The following TAF4 variants were observed in gnomAD, a reference collection of about 807,000 sequenced individuals.
The protein encoded by TAF4 is transcription initiation factor TFIID subunit 4.
A neutral mutation model predicts 90.3 loss-of-function variants in TAF4; 9 were observed. The observed-to-expected ratio is 0.10, with a 90% CI of 0.06 to 0.17. The LOEUF (loss-of-function observed/expected upper bound fraction) is 0.17, where lower values mean the gene tolerates loss of function less well. Ranked by LOEUF, TAF4 falls within the 10% of genes least tolerant of loss-of-function variation. TAF4 has a pLI of 1.00. For synonymous variants in TAF4, 818 were observed against 638.9 expected, an observed-to-expected ratio of 1.28 and a Z score of -4.23; for missense variants, 1,351 against 1,370.7, an observed-to-expected ratio of 0.99 and a Z score of 0.23.
In TAF4 at chr20:62,006,167, G is replaced by C. The variant is rs1238591315; in HGVS notation, c.2223+343C>G. ...ACGCAGGTGCCCGTGTCTTACGCTT[G>C]GACCGCTGCTCCTAATCCAAGAGAA... On this transcript the variant is annotated intron_variant, in intron 7 of 14. Transcript: ENST00000252996. This position sits in a 1 kb window ranked among gnomAD's most constrained non-coding sequence, Gnocchi z 7.0. 5.3e-6 allele frequency: 1 copy of C among 189,832 alleles called. No individual in the cohort carries two copies. The highest frequency in any genetic ancestry group is 2.3e-5 in the African/African-American group (1 of 42,962). 11.8% of individuals were successfully genotyped at this position (189,832 alleles called of 1,614,324 possible).
intron 14 of TAF4, among the ~76,000 whole-genome samples, chr20:61,994,905 G>A (rs1568925365): frequency 6.6e-6 from 1 of 152,162 alleles, no homozygotes; most frequent in East Asian, 1.9e-4. Flanking sequence ...ACCTTTCCTT[G>A]TACGTAAGGA....
At chr20:62,004,323 C>CTTTTT (rs1434356168) in intron 7 of TAF4, among the ~76,000 whole-genome samples, 10 of 113,988 alleles carry the variant, frequency 8.8e-5, no homozygotes, top group African/African-American at 2.4e-4. Flanking sequence ...TTTTTCTTTT[C>CTTTTT]TTTTCTTTTT....
intron 1 of TAF4, among the ~76,000 whole-genome samples, chr20:62,029,273 A>G (rs1053307403): frequency 3.9e-5 from 6 of 152,058 alleles, no homozygotes; most frequent in Admixed American, 2.6e-4. Flanking sequence ...CATTCTTTTA[A>G]GTTTGAAATT....
At position 61,975,256 on chromosome 20, in the gene TAF4, C is replaced by CAT. The variant is rs1420802146; in HGVS notation, c.*910_*911dup. ...CTCTTAGCAAAATAATTATAGTTTA[C>CAT]ATAGCCATTTCTATGTCATGTGCCA... On this transcript the variant is annotated 3_prime_UTR_variant, in exon 15 of 15. Transcript: ENST00000252996. 1 of 152,370 alleles carries CAT rather than the reference C, an allele frequency of 6.6e-6. No individual in the cohort carries two copies. The highest frequency in any genetic ancestry group is 1.5e-5 in the Non-Finnish European group (1 of 68,028). 9.4% of individuals were successfully genotyped at this position (152,370 alleles called of 1,614,324 possible). A position where few individuals can be genotyped will look rare whatever the true frequency, so the allele number is the denominator to read the frequency against.
intron 1 of TAF4, among the ~76,000 whole-genome samples, chr20:62,050,430 C>T (rs1395105614): frequency 6.6e-6 from 1 of 152,170 alleles, no homozygotes; most frequent in Non-Finnish European, 1.5e-5. Context: ...CAAAACGCCA[C>T]AATGCCTGCT....
chr20:61,992,843 C>G (rs1259743827), intron 14 of TAF4, among the ~76,000 whole-genome samples: 1 of 152,166 alleles, frequency 6.6e-6, no homozygotes. Context: ...CAGGAACCAA[C>G]CTGGAGATGC....
chr20:62,012,930 G>C lies in TAF4; in HGVS notation c.1526C>G (p.Pro509Arg). The change falls in exon 3 of 15, where the codon CCT becomes CGT. Residue 509 changes from proline (P) to arginine (R), a missense_variant. Around this residue, in one of 9 missense-constraint regions of TAF4, gnomAD observed 143 missense variants for 176.3 expected, o/e 0.81. Transcript: ENST00000252996. ...CTGCCGTGCAATGATAGGTGTTCCAGGTGCCTGAAAAATAAGCAGAGTCAC... is the reference window on the plus strand; with the variant it reads ...CTGCCGTGCAATGATAGGTGTTCCACGTGCCTGAAAAATAAGCAGAGTCAC... ...PPVQISTVQAPGTPIIARQVT... is the reference protein window; with the variant it reads ...PPVQISTVQARGTPIIARQVT... 5.0e-6 allele frequency: 8 copies of C among 1,612,706 alleles called. No individual in the cohort carries two copies. Among genetic ancestry groups the C allele is most frequent in the East Asian group, 2.2e-5 (1 of 44,882 alleles).
chr20:62,021,000 C>T lies in TAF4; in HGVS notation c.1361-6293G>A, dbSNP rs376839477. 2.6e-5 allele frequency among the ~76,000 whole-genome samples: 4 copies of T among 152,294 alleles called. No individual in the cohort carries two copies. In the South Asian group the frequency reaches 6.2e-4, roughly 24 times the overall value. ...AAGCCAGACCACTGGGAAGGAAAGA[C>T]CTTCCCCGTGTTTCCAGGGGAAAAA... On this transcript the variant is annotated intron_variant, in intron 1 of 14. Transcript: ENST00000252996.
intron 14 of TAF4, among the ~76,000 whole-genome samples, chr20:61,992,434 T>G (rs1448517032): frequency 6.6e-6 from 1 of 152,106 alleles, no homozygotes; most frequent in African/African-American, 2.4e-5. Context: ...TTTATTTTAA[T>G]CTCTCCTTCT....
intron 1 of TAF4, among the ~76,000 whole-genome samples, chr20:62,027,504 G>A (rs1324990442): frequency 6.6e-6 from 1 of 152,148 alleles, no homozygotes; most frequent in Non-Finnish European, 1.5e-5. Flanking sequence ...TGAACAGATT[G>A]GAGAAAAGTT....
chr20:62,036,995 A>G (rs944012588), intron 1 of TAF4, among the ~76,000 whole-genome samples: 22 of 152,264 alleles, frequency 1.4e-4, no homozygotes, highest in Admixed American at 3.9e-4. Context: ...GGCCCTCACC[A>G]GCATGGCAAT....
chr20:61,976,420 C>G, intron 14 of TAF4, 85 bp from the exon 15 acceptor site: 3 of 1,518,274 alleles, frequency 2.0e-6, no homozygotes, highest in Non-Finnish European at 1.8e-6. Flanking sequence ...GCCAAGTACC[C>G]CGATTCCAGA....
chr20:61,982,467 C>A (rs1164550035), intron 14 of TAF4, among the ~76,000 whole-genome samples: 1 of 98,824 alleles, frequency 1.0e-5, no homozygotes. Flanking sequence ...CAAACCCACA[C>A]CCCACCCAAG....
At chr20:62,002,407 T>C (rs1257982844) in intron 9 of TAF4, among the ~76,000 whole-genome samples, 1 of 151,944 alleles carries the variant, frequency 6.6e-6, no homozygotes, top group African/African-American at 2.4e-5. Flanking sequence ...ACTCCAAGAC[T>C]CTCCCACTGC....
Position 61,984,538 on chromosome 20 carries a change from C to T in TAF4, c.3091-8203G>A, listed in dbSNP as rs148484908. ...TACGGGACATCAGCAGGATGAAGTG[C>T]CACCCAGCTGGGAAAGAGGAAGCTC... On this transcript the variant is annotated intron_variant, in intron 14 of 14. Coordinates refer to ENST00000252996, the MANE Select transcript of TAF4 (RefSeq NM_003185.4). 1.4e-4 allele frequency among the ~76,000 whole-genome samples: 22 copies of T among 152,290 alleles called. 1 individual carries two copies. The highest frequency in any genetic ancestry group is 5.3e-4 in the African/African-American group (22 of 41,536).
chr20:61,987,320 AAGGAGCCG>A (rs1181848107), intron 14 of TAF4, among the ~76,000 whole-genome samples: 1 of 152,142 alleles, frequency 6.6e-6, no homozygotes, highest in African/African-American at 2.4e-5. Context: ...AGAGGAGACC[AAGGAGCCG>A]AGGAGCCGCG....
At chr20:61,997,918 C>T (rs949948679) in intron 13 of TAF4, among the ~76,000 whole-genome samples, 9 of 152,170 alleles carry the variant, frequency 5.9e-5, no homozygotes, top group African/African-American at 1.9e-4. Flanking sequence ...TAATGCCCCC[C>T]GCAAAGGGAA....
At chr20:62,043,836 T>G (rs886084752) in intron 1 of TAF4, among the ~76,000 whole-genome samples, 28 of 152,224 alleles carry the variant, frequency 1.8e-4, no homozygotes, top group Non-Finnish European at 3.4e-4. Flanking sequence ...CATTGCCTAA[T>G]GATGCGTTTC....
intron 1 of TAF4, among the ~76,000 whole-genome samples, chr20:62,046,091 CATTGGG>C (rs939178653): frequency 6.6e-6 from 1 of 152,340 alleles, no homozygotes; most frequent in Admixed American, 6.5e-5. Flanking sequence ...AGACGGCAGA[CATTGGG>C]ATTGGGATTC....
Sources: gnomAD v4.1 joint callset for allele counts (sites outside exome capture counted in the v4.1 genomes callset) on GRCh38, gnomAD v4.1.1 for gene constraint, gnomAD v4.1.1 regional missense constraint, Gnocchi (gnomAD v3.1) non-coding constraint, MANE v1.5 for transcripts, NCBI Gene and HGNC (gene_info 2026-07-23, HGNC 2026-07-21) for gene names.